The following MICOS10 variants were observed in gnomAD, a reference collection of about 807,000 sequenced individuals.
The protein encoded by MICOS10 is MICOS complex subunit MIC10.
A neutral mutation model predicts 13.4 loss-of-function variants in MICOS10; 5 were observed. That is an observed-to-expected ratio of 0.37 (90% confidence interval 0.20 to 0.78). The LOEUF (loss-of-function observed/expected upper bound fraction) is 0.78. MICOS10 is among the 30% of genes least tolerant of loss of function. MICOS10 has a pLI of 0.47. For missense variants in MICOS10, 101 were observed against 94.6 expected (o/e 1.07, Z -0.28); for synonymous variants, 35 against 33.6 (o/e 1.04, Z -0.15).
chr1:19,625,507 A>G, intron 3 of MICOS10: 1 of 1,289,436 alleles, frequency 7.8e-7, no homozygotes, highest in South Asian at 1.2e-5. Context: ...ACCATGCAAG[A>G]AGAGGCGCAG....
chr1:19,623,900 T>G (rs113511083), intron 3 of MICOS10: 22 of 190,208 alleles, frequency 1.2e-4, no homozygotes, highest in African/African-American at 4.9e-4. Context: ...CACTTTTCAT[T>G]TAAGAGCTCA....
chr1:19,623,419 G>A, intron 2 of MICOS10, 55 bp from the exon 3 acceptor site: 2 of 1,083,522 alleles, frequency 1.8e-6, no homozygotes, highest in Non-Finnish European at 2.8e-6. Flanking sequence ...AGGATGGGGA[G>A]CTTTATCTTC....
chr1:19,602,161 T>A (rs963483030), intron 1 of MICOS10, among the ~76,000 whole-genome samples: 4 of 152,230 alleles, frequency 2.6e-5, no homozygotes, highest in African/African-American at 9.6e-5. Flanking sequence ...TTGTGTTCAC[T>A]GTTGATCCCC....
rs2094793770 is a variant in MICOS10 at position 19,597,005 on chromosome 1, GGGGCCGGCCGAGA to G, written c.-38_-26del. 1 of 1,565,834 alleles carries G rather than the reference GGGGCCGGCCGAGA, an allele frequency of 6.4e-7. No homozygotes were observed. Among genetic ancestry groups the G allele is most frequent in the African/African-American group, 1.4e-5 (1 of 70,890 alleles). On this transcript the variant is annotated 5_prime_UTR_variant, in exon 1 of 4. Transcript: ENST00000322753. ...CGAGACTTTCAGGGGTCGGAGCGCG[GGGGCCGGCCGAGA>G]GGAAAGCTGGAGGCGCGGGTGGGGA...
At chr1:19,607,198 T>C (rs1171225566) in intron 1 of MICOS10, among the ~76,000 whole-genome samples, 1 of 152,260 alleles carries the variant, frequency 6.6e-6, no homozygotes, top group Non-Finnish European at 1.5e-5. Flanking sequence ...ATTTAAACAA[T>C]GTGACCAAAA....
intron 1 of MICOS10, among the ~76,000 whole-genome samples, chr1:19,607,212 C>T (rs1316712764): frequency 6.6e-5 from 10 of 152,208 alleles, no homozygotes; most frequent in Non-Finnish European, 1.0e-4. Flanking sequence ...ACCAAAAATA[C>T]TTTTTCCATT....
chr1:19,608,574 AT>A (rs752885297), intron 1 of MICOS10: 3 of 827,008 alleles, frequency 3.6e-6, no homozygotes, highest in Admixed American at 1.9e-5. Flanking sequence ...TGTGAACAAG[AT>A]TCCTCAAAAT....
intron 1 of MICOS10, among the ~76,000 whole-genome samples, chr1:19,612,356 AG>A (rs1339399991): frequency 6.6e-6 from 1 of 151,488 alleles, no homozygotes; most frequent in African/African-American, 2.4e-5. Context: ...GCCAATTCTT[AG>A]TTTTATAATG....
In MICOS10 at chr1:19,623,537, A is replaced by G. The variant is rs377030188; in HGVS notation, c.176A>G (p.Gln59Arg). The part of the protein sequence containing the change: ...MGLGMAYSNC[Q>R]HDFQAPYLLH... Reference sequence around the variant, plus strand: ...TTAGGAATGGCTTATTCCAACTGTCAGCATGATTTCCAGGCTCCATATCTT... The same window carrying G: ...TTAGGAATGGCTTATTCCAACTGTCGGCATGATTTCCAGGCTCCATATCTT... Residue 59 changes from glutamine to arginine, a missense_variant, in exon 3 of 4, where the codon CAG becomes CGG. Physicochemically the swap from Gln to Arg is conservative, Grantham distance 43. Transcript: ENST00000322753. 16 of 1,613,468 alleles carry G rather than the reference A, an allele frequency of 9.9e-6. No homozygotes were observed. Among genetic ancestry groups the G allele is most frequent in the Non-Finnish European group, 1.4e-5 (16 of 1,179,730 alleles).
At chr1:19,622,214 C>T in intron 2 of MICOS10, 67 bp downstream of exon 2, 4 of 1,321,940 alleles carry the variant, frequency 3.0e-6, no homozygotes, top group Non-Finnish European at 4.3e-6. Flanking sequence ...GGGACACTTC[C>T]AGAGGACACA....
At position 19,617,235 on chromosome 1, in the gene MICOS10, G is replaced by T. The variant is rs1455035703; in HGVS notation, c.65-4865G>T. The T allele has an allele frequency of 1.8e-5, 18 of 974,690 alleles. 1 individual carries two copies. The South Asian group carries it at 7.6e-4, about 41-fold the overall frequency. The allele number at this position is 974,690 out of a possible 1,614,324, so 60.4% of individuals were successfully genotyped here. ...TACCTTTGTTTCTTTCCATTGCCTG[G>T]TTTGTTTGCTTGTTCTAATCAGAAT... On this transcript the variant is annotated intron_variant, in intron 1 of 3. Coordinates refer to ENST00000322753, the MANE Select transcript of MICOS10 (RefSeq NM_001032363.4).
chr1:19,600,807 G>T, intron 1 of MICOS10: 1 of 911,916 alleles, frequency 1.1e-6, no homozygotes, highest in Non-Finnish European at 1.5e-6. Flanking sequence ...TCACCATGTT[G>T]CCCAGGCTGG....
intron 1 of MICOS10, among the ~76,000 whole-genome samples, chr1:19,607,230 G>A (rs1239951614): frequency 6.6e-6 from 1 of 152,198 alleles, no homozygotes; most frequent in African/African-American, 2.4e-5. Context: ...ATTTGCGGCA[G>A]CAATGTGAAT....
At chr1:19,609,191 A>G (rs1409398234) in intron 1 of MICOS10, among the ~76,000 whole-genome samples, 1 of 151,846 alleles carries the variant, frequency 6.6e-6, no homozygotes, top group Non-Finnish European at 1.5e-5. Context: ...TTTTAATCAT[A>G]GGAAGACAAC....
In MICOS10 at chr1:19,623,501, C is replaced by G. The variant is rs776839193; in HGVS notation, c.140C>G (p.Ser47Cys). The G allele has an allele frequency of 2.5e-6, 4 of 1,612,320 alleles. No individual in the cohort carries two copies. In the East Asian group the frequency reaches 8.9e-5, roughly 36 times the overall value. ...KRRMWPLAFG[S>C]GMGLGMAYSN... ...AGAATGTGGCCATTAGCCTTCGGTT[C>G]TGGCATGGGATTAGGAATGGCTTAT... is the stretch of plus-strand genomic sequence containing the variant. The change falls in exon 3 of 4, where the codon TCT (serine) becomes TGT (cysteine). Residue 47 changes from serine to cysteine, a missense_variant. Transcript: ENST00000322753.
Position 19,597,010 on chromosome 1 carries a change from C to G in MICOS10, c.-36C>G. ...CTTTCAGGGGTCGGAGCGCGGGGGCCGGCCGAGAGGAAAGCTGGAGGCGCG... is the reference window on the plus strand; with the variant it reads ...CTTTCAGGGGTCGGAGCGCGGGGGCGGGCCGAGAGGAAAGCTGGAGGCGCG... On this transcript the variant is annotated 5_prime_UTR_variant, in exon 1 of 4. Coordinates refer to ENST00000322753, the MANE Select transcript of MICOS10 (RefSeq NM_001032363.4). 2 of 1,567,692 alleles carry G rather than the reference C, an allele frequency of 1.3e-6. No individual in the cohort carries two copies. Among genetic ancestry groups the G allele is most frequent in the Non-Finnish European group, 8.6e-7 (1 of 1,160,498 alleles).
chr1:19,622,242 G>A, intron 2 of MICOS10, 95 bp downstream of exon 2: 1 of 968,308 alleles, frequency 1.0e-6, no homozygotes, highest in Non-Finnish European at 1.5e-6. Context: ...CCATCAATTT[G>A]TGGGTTGCCA....
intron 1 of MICOS10, among the ~76,000 whole-genome samples, chr1:19,609,280 T>A (rs572855247): frequency 6.6e-6 from 1 of 152,116 alleles, no homozygotes; most frequent in African/African-American, 2.4e-5. Context: ...GAAAAGCGAA[T>A]TAAAATCATG....
intron 1 of MICOS10, among the ~76,000 whole-genome samples, chr1:19,602,155 G>A (rs1374791210): frequency 6.6e-6 from 1 of 152,156 alleles, no homozygotes; most frequent in African/African-American, 2.4e-5. Context: ...AGGCTGTTGT[G>A]TTCACTGTTG....
Sources: gnomAD v4.1 joint callset for allele counts (sites outside exome capture counted in the v4.1 genomes callset) on GRCh38, gnomAD v4.1.1 for gene constraint, MANE v1.5 for transcripts, NCBI Gene and HGNC (gene_info 2026-07-23, HGNC 2026-07-21) for gene names.